Variants in LYPD6 observed in about 807,000 individuals in gnomAD.
The protein encoded by LYPD6 is LY6/PLAUR domain containing 6, also known as ly6/PLAUR domain-containing protein 6.
In LYPD6, 15 loss-of-function variants were observed where a neutral mutation model predicts 22.7. The observed-to-expected ratio is 0.66, with a 90% CI of 0.44 to 1.02. LYPD6 has a LOEUF of 1.02. Among genes scored for constraint, LYPD6 ranks in the 50% least tolerant of loss-of-function variants. LYPD6 has a pLI of 0.00. For missense variants in LYPD6, 189 were observed against 208.4 expected, an observed-to-expected ratio of 0.91 and a Z score of 0.57; for synonymous variants, 72 against 77.5, an observed-to-expected ratio of 0.93 and a Z score of 0.37.
At chr2:149,407,410 T>G (rs979969443) in intron 1 of LYPD6, among the ~76,000 whole-genome samples, 2 of 152,202 alleles carry the variant, frequency 1.3e-5, no homozygotes, top group Non-Finnish European at 2.9e-5. Context: ...AGTCGCATAT[T>G]TCTTGGAGGC....
chr2:149,346,662 A>G (rs1681261921), intron 1 of LYPD6, among the ~76,000 whole-genome samples: 1 of 152,222 alleles, frequency 6.6e-6, no homozygotes, highest in Non-Finnish European at 1.5e-5. Flanking sequence ...GGCACTTCTC[A>G]GACTTACTGA....
chr2:149,392,810 G>A (rs1341848928), intron 1 of LYPD6, among the ~76,000 whole-genome samples: 1 of 152,126 alleles, frequency 6.6e-6, no homozygotes, highest in Non-Finnish European at 1.5e-5. Context: ...CGGATCACAA[G>A]GTCCGGAGTT....
chr2:149,428,408 G>C (rs1378288240), intron 1 of LYPD6, among the ~76,000 whole-genome samples: 1 of 152,182 alleles, frequency 6.6e-6, no homozygotes, highest in Non-Finnish European at 1.5e-5. Flanking sequence ...GTTGAACACA[G>C]TTGGGGCTTT....
intron 1 of LYPD6, among the ~76,000 whole-genome samples, chr2:149,356,478 C>T (rs1238731062): frequency 1.3e-5 from 2 of 152,198 alleles, no homozygotes; most frequent in Non-Finnish European, 2.9e-5. Flanking sequence ...AGTATGGCTA[C>T]TGGCCTCTTC....
chr2:149,373,845 G>A (rs1456921780), intron 1 of LYPD6, among the ~76,000 whole-genome samples: 2 of 152,192 alleles, frequency 1.3e-5, no homozygotes, highest in East Asian at 3.8e-4. Flanking sequence ...ATTCTATTAT[G>A]TAATGTAAAG....
chr2:149,421,093 C>T (rs1273811400), intron 1 of LYPD6, among the ~76,000 whole-genome samples: 1 of 152,072 alleles, frequency 6.6e-6, no homozygotes, highest in East Asian at 1.9e-4. Context: ...TTTTGATACC[C>T]TCTTTCTTTA....
intron 1 of LYPD6, among the ~76,000 whole-genome samples, chr2:149,367,510 G>A (rs138709099): frequency 2.4e-4 from 37 of 152,272 alleles, no homozygotes; most frequent in African/African-American, 7.7e-4. Flanking sequence ...TTACACAAGC[G>A]CATTAACACC....
intron 1 of LYPD6, among the ~76,000 whole-genome samples, chr2:149,380,588 TG>T (rs1682037282): frequency 6.6e-6 from 1 of 152,190 alleles, no homozygotes; most frequent in Non-Finnish European, 1.5e-5. Flanking sequence ...CCATAGCAGA[TG>T]TTTGGAGACT....
At chr2:149,330,484 C>G (rs1680910364), upstream of LYPD6, 1 of 149,176 alleles carries the variant, frequency 6.7e-6, no homozygotes, top group South Asian at 2.1e-4. Context: ...CCGCGGCCCT[C>G]GAGGCCGGGC....
chr2:149,468,188 C>CACACAG (rs1681249264), intron 3 of LYPD6, among the ~76,000 whole-genome samples: 1 of 147,522 alleles, frequency 6.8e-6, no homozygotes, highest in Non-Finnish European at 1.5e-5. Flanking sequence ...CACACACACA[C>CACACAG]CAGCCACTGC....
chr2:149,449,508 A>G (rs1049160306), intron 3 of LYPD6, among the ~76,000 whole-genome samples: 8 of 152,244 alleles, frequency 5.3e-5, no homozygotes, highest in African/African-American at 1.4e-4. Context: ...ATTGATGTTC[A>G]TATAAAGATT....
chr2:149,413,001 T>C (rs902259422), intron 1 of LYPD6, among the ~76,000 whole-genome samples: 6 of 152,166 alleles, frequency 3.9e-5, no homozygotes, highest in Non-Finnish European at 7.3e-5. Context: ...TTTCTGATAT[T>C]TATATTTTTT....
chr2:149,389,686 T>G (rs905133757), intron 1 of LYPD6, among the ~76,000 whole-genome samples: 1 of 152,186 alleles, frequency 6.6e-6, no homozygotes, highest in African/African-American at 2.4e-5. Context: ...ATCTTTATTT[T>G]TGGTCTGTAA....
At chr2:149,337,147 C>G (rs1306859132) in intron 1 of LYPD6, among the ~76,000 whole-genome samples, 2 of 152,172 alleles carry the variant, frequency 1.3e-5, no homozygotes, top group Non-Finnish European at 2.9e-5. Context: ...GGCACCGAAT[C>G]TGTTTCTTTC....
intron 2 of LYPD6, among the ~76,000 whole-genome samples, chr2:149,438,977 A>C (rs1427320628): frequency 1.3e-5 from 2 of 152,230 alleles, no homozygotes; most frequent in Non-Finnish European, 2.9e-5. Flanking sequence ...CAATGTTAGG[A>C]GAATTCTTTG....
intron 2 of LYPD6, among the ~76,000 whole-genome samples, chr2:149,446,193 CCAAA>C (rs1285444014): frequency 2.0e-5 from 3 of 151,940 alleles, no homozygotes; most frequent in Non-Finnish European, 2.9e-5. Flanking sequence ...TGTGGTGCCC[CCAAA>C]CAATTATAAT....
At chr2:149,364,779 G>T (rs1681629935) in intron 1 of LYPD6, among the ~76,000 whole-genome samples, 1 of 151,954 alleles carries the variant, frequency 6.6e-6, no homozygotes, top group African/African-American at 2.4e-5. Flanking sequence ...TTCCCTAAAG[G>T]CTGTACTAAT....
chr2:149,410,360 A>G (rs533009013), intron 1 of LYPD6, among the ~76,000 whole-genome samples: 1 of 152,228 alleles, frequency 6.6e-6, no homozygotes, highest in South Asian at 2.1e-4. Context: ...TGTGATTTGT[A>G]TCTAGGTGCA....
intron 3 of LYPD6, among the ~76,000 whole-genome samples, chr2:149,456,256 T>C (rs1478560044): frequency 6.6e-5 from 10 of 152,232 alleles, no homozygotes; most frequent in African/African-American, 1.9e-4. Context: ...GGCTCTTTTT[T>C]TCTTTCGCTT....
Sources: allele counts gnomAD v4.1 joint callset (sites outside exome capture counted in the v4.1 genomes callset), GRCh38; gene constraint gnomAD v4.1.1; transcripts MANE v1.5; gene names NCBI Gene and HGNC (gene_info 2026-07-23, HGNC 2026-07-21).